GRAMD1B: variants seen among roughly 807,000 people sequenced by gnomAD.
GRAMD1B encodes protein Aster-B.
A neutral mutation model predicts 99.7 loss-of-function variants in GRAMD1B; 37 were observed. The ratio of observed to expected loss-of-function variants is 0.37; its 90% CI spans 0.29 to 0.49. GRAMD1B has a LOEUF of 0.49. GRAMD1B is among the 20% of genes least tolerant of loss of function. The probability of loss-of-function intolerance (pLI) is 0.98; values close to 1 mark genes in which losing one functional copy is unlikely to be tolerated. For synonymous variants in GRAMD1B, 427 were observed against 387.6 expected (o/e 1.10, Z -1.19); for missense variants, 888 against 1,009.2 (o/e 0.88, Z 1.63).
At chr11:123,563,714 A>G (rs533842788) in intron 2 of GRAMD1B, among the ~76,000 whole-genome samples, 2 of 152,132 alleles carry the variant, frequency 1.3e-5, no homozygotes, top group African/African-American at 4.8e-5. Flanking sequence ...TTAAAAGTAT[A>G]GTAGAGACCA....
chr11:123,380,598 T>C (rs1441503238), intron 1 of GRAMD1B, among the ~76,000 whole-genome samples: 5 of 152,212 alleles, frequency 3.3e-5, no homozygotes, highest in Non-Finnish European at 7.3e-5. Flanking sequence ...GATAGACGGA[T>C]GGACCCTTTG....
Position 123,552,785 on chromosome 11 carries a change from A to G in GRAMD1B, c.453-24582A>G, listed in dbSNP as rs183155491. 4.4e-3 allele frequency among the ~76,000 whole-genome samples: 665 copies of G among 152,316 alleles called. 3 individuals carry two copies. The highest frequency in any genetic ancestry group is 7.2e-3 in the Non-Finnish European group (489 of 68,028). On this transcript the variant is annotated intron_variant, in intron 2 of 19. Transcript: ENST00000635736. ...TCTCTTCCGTGAAATTGGAATAATA[A>G]GATTAAAGGAGATATGACCCACTGT...
At chr11:123,604,525 C>T (rs1952437166) in intron 9 of GRAMD1B, among the ~76,000 whole-genome samples, 1 of 152,146 alleles carries the variant, frequency 6.6e-6, no homozygotes. Flanking sequence ...GGGTAGCTAG[C>T]TGCAAGCTTG....
At chr11:123,448,517 C>A (rs1350287638) in intron 1 of GRAMD1B, among the ~76,000 whole-genome samples, 1 of 152,218 alleles carries the variant, frequency 6.6e-6, no homozygotes, top group Non-Finnish European at 1.5e-5. Flanking sequence ...GCATGCCCAG[C>A]CTCCACTTTC....
At position 123,392,769 on chromosome 11, in the gene GRAMD1B, A is replaced by G. The variant is rs534501300; in HGVS notation, c.-176+33970A>G. ...GGCAACTAGTTCATACTACTGACTAATAGTTAATATTACTCCTATCTACTT... is the reference window on the plus strand; with the variant it reads ...GGCAACTAGTTCATACTACTGACTAGTAGTTAATATTACTCCTATCTACTT... On this transcript the variant is annotated intron_variant, in intron 1 of 20. Transcript: ENST00000638157. 3.8e-4 allele frequency among the ~76,000 whole-genome samples: 58 copies of G among 152,332 alleles called. 1 individual carries two copies. The South Asian group carries it at 3.9e-3, about 10-fold the overall frequency.
At chr11:123,365,051 CTGT>C (rs1320193379) in intron 1 of GRAMD1B, among the ~76,000 whole-genome samples, 1 of 152,068 alleles carries the variant, frequency 6.6e-6, no homozygotes, top group Non-Finnish European at 1.5e-5. Context: ...CAGCGCTATT[CTGT>C]TGTTTTATTT....
intron 1 of GRAMD1B, among the ~76,000 whole-genome samples, chr11:123,374,802 T>C (rs1212856363): frequency 6.6e-6 from 1 of 152,160 alleles, no homozygotes; most frequent in Non-Finnish European, 1.5e-5. Context: ...AAACATAATC[T>C]AAGACTCTGG....
intron 2 of GRAMD1B, among the ~76,000 whole-genome samples, chr11:123,549,266 C>T (rs1054556245): frequency 9.9e-5 from 15 of 152,064 alleles, no homozygotes; most frequent in African/African-American, 1.7e-4. Context: ...TTGTGGGGGC[C>T]GGGCGCAGCA....
At chr11:123,488,031 G>T (rs1236423174) in intron 2 of GRAMD1B, among the ~76,000 whole-genome samples, 1 of 152,196 alleles carries the variant, frequency 6.6e-6, no homozygotes, top group Non-Finnish European at 1.5e-5. Flanking sequence ...TGGAGCCCGG[G>T]AAGTCCAAGA....
chr11:123,529,368 G>T (rs1943120505), intron 2 of GRAMD1B, among the ~76,000 whole-genome samples: 1 of 152,236 alleles, frequency 6.6e-6, no homozygotes, highest in South Asian at 2.1e-4. Flanking sequence ...ATGGAGTTAT[G>T]AGAGTATCAC....
chr11:123,501,714 A>G (rs1939882501), intron 2 of GRAMD1B, among the ~76,000 whole-genome samples: 1 of 152,128 alleles, frequency 6.6e-6, no homozygotes, highest in African/African-American at 2.4e-5. Flanking sequence ...GAGAATAGAG[A>G]CCCCAATGCT....
At chr11:123,526,166 CT>C (rs751477256) in intron 2 of GRAMD1B, 5 of 1,613,104 alleles carry the variant, frequency 3.1e-6, no homozygotes, top group Non-Finnish European at 4.2e-6. Context: ...GATTCAAGCT[CT>C]CCTGGTAAGT....
chr11:123,378,984 T>C (rs1946782016), intron 1 of GRAMD1B, among the ~76,000 whole-genome samples: 1 of 152,122 alleles, frequency 6.6e-6, no homozygotes, highest in Non-Finnish European at 1.5e-5. Context: ...CCAGTTTTGA[T>C]GGGAGTTGGC....
chr11:123,615,496 C>G (rs770820445), intron 17 of GRAMD1B, among the ~76,000 whole-genome samples: 3 of 152,192 alleles, frequency 2.0e-5, no homozygotes, highest in Non-Finnish European at 4.4e-5. Flanking sequence ...AGCATCCTGG[C>G]TAACATTGTG....
chr11:123,620,692 A>G (rs1040982612), intron 19 of GRAMD1B, among the ~76,000 whole-genome samples: 1 of 152,218 alleles, frequency 6.6e-6, no homozygotes, highest in Non-Finnish European at 1.5e-5. Context: ...GAGGGTGAGG[A>G]GAACAGGGTG....
At chr11:123,461,643 T>C (rs112139071) in intron 1 of GRAMD1B, among the ~76,000 whole-genome samples, 6,301 of 152,318 alleles carry the variant, frequency 0.041, 165 homozygotes, top group Middle Eastern at 0.071. Flanking sequence ...TCGTTCTTGT[T>C]GCCCAGGCTG....
chr11:123,421,437 G>T (rs1417204534), intron 1 of GRAMD1B, among the ~76,000 whole-genome samples: 1 of 152,168 alleles, frequency 6.6e-6, no homozygotes, highest in Non-Finnish European at 1.5e-5. Context: ...TTAAGGTAAC[G>T]CTTGACTGAA....
chr11:123,368,280 AAAGAAAGAGG>A, intron 1 of GRAMD1B, among the ~76,000 whole-genome samples: 1 of 145,556 alleles, frequency 6.9e-6, no homozygotes, highest in East Asian at 2.0e-4. Flanking sequence ...AAAAAAAAAG[AAAGAAAGAGG>A]AGGGTCCCTA....
intron 3 of GRAMD1B, among the ~76,000 whole-genome samples, chr11:123,580,170 A>G (rs892294357): frequency 1.3e-5 from 2 of 152,162 alleles, no homozygotes; most frequent in African/African-American, 4.8e-5. Context: ...TCCCACGTGG[A>G]GCTGGGAGCC....
Sources: gnomAD v4.1 joint callset for allele counts (sites outside exome capture counted in the v4.1 genomes callset) on GRCh38, gnomAD v4.1.1 for gene constraint, MANE v1.5 for transcripts, NCBI Gene and HGNC (gene_info 2026-07-23, HGNC 2026-07-21) for gene names.